LINGO1: variants seen among roughly 807,000 people sequenced by gnomAD.
LINGO1 encodes leucine-rich repeat and immunoglobulin-like domain-containing nogo receptor-interacting protein 1.
A neutral mutation model predicts 37.3 loss-of-function variants in LINGO1; 11 were observed. The ratio of observed to expected loss-of-function variants is 0.29; its 90% confidence interval spans 0.19 to 0.49. The LOEUF (loss-of-function observed/expected upper bound fraction) is 0.49, where lower values mean the gene tolerates loss of function less well. LINGO1 is among the 20% of genes least tolerant of loss of function. The probability of loss-of-function intolerance (pLI) is 0.99; values close to 1 mark genes in which losing one functional copy is unlikely to be tolerated. For synonymous variants in LINGO1, 387 were observed against 403.0 expected (o/e 0.96, Z 0.48); for missense variants, 585 against 878.2 (o/e 0.67, Z 4.22).
At chr15:77,710,891 T>C (rs2075910821) in intron 2 of LINGO1, among the ~76,000 whole-genome samples, 1 of 152,258 alleles carries the variant, frequency 6.6e-6, no homozygotes, top group Non-Finnish European at 1.5e-5. Context: ...CACTGGCCAA[T>C]TTCCCGCTGT....
chr15:77,731,477 G>T (rs1291416406), intron 2 of LINGO1, among the ~76,000 whole-genome samples: 1 of 152,220 alleles, frequency 6.6e-6, no homozygotes, highest in Non-Finnish European at 1.5e-5. Flanking sequence ...TTCAATCCCA[G>T]CTCTGCCTTT....
At chr15:77,659,250 C>A (rs1269048916) in intron 3 of LINGO1, among the ~76,000 whole-genome samples, 2 of 152,094 alleles carry the variant, frequency 1.3e-5, no homozygotes, top group African/African-American at 4.8e-5. Context: ...CCTGCCGTCC[C>A]CAGAACACCA....
chr15:77,652,766 C>T (rs944441545), intron 3 of LINGO1, among the ~76,000 whole-genome samples: 1 of 152,058 alleles, frequency 6.6e-6, no homozygotes, highest in East Asian at 1.9e-4. Context: ...CAGCACAGTG[C>T]GGGAGGAGGG....
intron 1 of LINGO1, among the ~76,000 whole-genome samples, chr15:77,767,738 C>G (rs2076543963): frequency 6.6e-6 from 1 of 152,116 alleles, no homozygotes; most frequent in African/African-American, 2.4e-5. Context: ...TTTCAAAAAG[C>G]CTCTCTCCAC....
intron 1 of LINGO1, among the ~76,000 whole-genome samples, chr15:77,617,608 C>T (rs1003441089): frequency 6.6e-6 from 1 of 152,218 alleles, no homozygotes; most frequent in South Asian, 2.1e-4. Flanking sequence ...ACACCTCACA[C>T]AGCCCCTGCT....
chr15:77,773,258 T>C lies in LINGO1; in HGVS notation c.-257+13611A>G, dbSNP rs943353784. ...GGGACTCCTGGGAGGCTTTGGCATG[T>C]TGCAGCAGGCTGTGGGGGAAGAGAG... On this transcript the variant is annotated intron_variant, in intron 1 of 3. Transcript: ENST00000561686. 3.3e-5 allele frequency among the ~76,000 whole-genome samples: 5 copies of C among 152,194 alleles called. 1 individual carries two copies. Among genetic ancestry groups the C allele is most frequent in the Non-Finnish European group, 7.3e-5 (5 of 68,030 alleles).
chr15:77,796,489 T>C (rs1429058779), intron 1 of LINGO1, among the ~76,000 whole-genome samples: 1 of 152,224 alleles, frequency 6.6e-6, no homozygotes, highest in Non-Finnish European at 1.5e-5. Flanking sequence ...CTGCCAGGAC[T>C]GCTGGGAAGA....
intron 1 of LINGO1, among the ~76,000 whole-genome samples, chr15:77,771,605 AC>A (rs1349239246): frequency 2.0e-5 from 3 of 151,960 alleles, no homozygotes; most frequent in Non-Finnish European, 4.4e-5. Context: ...GGCCTCCAAG[AC>A]CCCCACCAAG....
chr15:77,647,097 T>C (rs1596042811), intron 3 of LINGO1, among the ~76,000 whole-genome samples: 1 of 135,886 alleles, frequency 7.4e-6, no homozygotes, highest in Non-Finnish European at 1.6e-5. Flanking sequence ...GGCTGGGGAG[T>C]GTGGGGTGGG....
chr15:77,614,404 G>A lies in LINGO1; in HGVS notation c.1503C>T (p.Asn501=), dbSNP rs142861123. Residue 501 remains asparagine (N), a synonymous_variant, in exon 2 of 2, where the codon AAC becomes AAT. Coordinates refer to ENST00000355300, the MANE Select transcript of LINGO1 (RefSeq NM_032808.7). ...DNGTYLCIAA[N]AGGNDSMPAH... ...CGGGCATGGAGTCGTTGCCGCCCGC[G>A]TTGGCCGCGATGCACAGGTACGTGC... 6.5e-5 allele frequency: 105 copies of A among 1,613,038 alleles called. No homozygotes were observed. The highest frequency in any genetic ancestry group is 1.2e-4 in the African/African-American group (9 of 75,076).
intron 1 of LINGO1, among the ~76,000 whole-genome samples, chr15:77,741,570 G>A (rs1479656883): frequency 2.6e-5 from 4 of 152,194 alleles, no homozygotes; most frequent in African/African-American, 9.6e-5. Context: ...CACCCAGGAG[G>A]GGCAGGCCGC....
chr15:77,677,337 C>T (rs1162868948), intron 2 of LINGO1, among the ~76,000 whole-genome samples: 3 of 152,060 alleles, frequency 2.0e-5, no homozygotes, highest in South Asian at 2.1e-4. Context: ...CAGTGCCATC[C>T]CTACCCACTT....
At chr15:77,675,966 A>T (rs1214494634) in intron 3 of LINGO1, among the ~76,000 whole-genome samples, 3 of 152,160 alleles carry the variant, frequency 2.0e-5, no homozygotes, top group African/African-American at 7.2e-5. Flanking sequence ...TCACAGCTCC[A>T]TGCCTGTCTC....
intron 1 of LINGO1, among the ~76,000 whole-genome samples, chr15:77,752,760 G>A (rs1013804033): frequency 6.6e-5 from 10 of 152,106 alleles, no homozygotes; most frequent in Admixed American, 4.6e-4. Flanking sequence ...CAGCCTTCCC[G>A]TGTGCCCACA....
In LINGO1 at chr15:77,815,365, C is replaced by T. The variant is rs559255636; in HGVS notation, c.-458+4893G>A. ...GACTGCAGTGCCCACTCCCAACTTG[C>T]TTAGTGACCTTGTGCTAGCCACTGC... On this transcript the variant is annotated intron_variant, in intron 1 of 5. Transcript: ENST00000562933. Among the ~76,000 whole-genome samples, 8 of 146,534 alleles carry T rather than the reference C, an allele frequency of 5.5e-5. No individual in the cohort carries two copies. In the East Asian group the frequency reaches 6.7e-4, roughly 12 times the overall value.
intron 1 of LINGO1, among the ~76,000 whole-genome samples, chr15:77,764,654 C>T (rs1202235667): frequency 6.6e-6 from 1 of 152,176 alleles, no homozygotes; most frequent in African/African-American, 2.4e-5. Context: ...TGGTGGACAG[C>T]TAAAAAGCCA....
intron 2 of LINGO1, among the ~76,000 whole-genome samples, chr15:77,678,545 G>A (rs1028899351): frequency 4.6e-5 from 7 of 152,158 alleles, no homozygotes; most frequent in African/African-American, 9.7e-5. Context: ...ATAGTACTCC[G>A]TTGTTTATCC....
At chr15:77,657,285 T>C (rs2074886196) in intron 3 of LINGO1, among the ~76,000 whole-genome samples, 1 of 151,570 alleles carries the variant, frequency 6.6e-6, no homozygotes, top group Admixed American at 6.5e-5. Flanking sequence ...CCTCAGCTAG[T>C]CATGGGGCAT....
chr15:77,694,741 A>C (rs1406409195), intron 1 of LINGO1, among the ~76,000 whole-genome samples: 1 of 152,230 alleles, frequency 6.6e-6, no homozygotes, highest in Non-Finnish European at 1.5e-5. Flanking sequence ...GGCTTTGCCC[A>C]GAAATGAAAT....
Sources: allele counts gnomAD v4.1 joint callset (sites outside exome capture counted in the v4.1 genomes callset), GRCh38; gene constraint gnomAD v4.1.1; transcripts MANE v1.5; gene names NCBI Gene and HGNC (gene_info 2026-07-23, HGNC 2026-07-21).